Variants in TOX observed in about 807,000 individuals in gnomAD.
TOX encodes thymocyte selection-associated high mobility group box protein TOX.
TOX carries 11 observed loss-of-function variants against 53.7 expected under a neutral mutation model. That is an observed-to-expected ratio of 0.20 (90% CI 0.13 to 0.34). TOX has a LOEUF of 0.34. Among genes scored for constraint, TOX ranks in the 10% least tolerant of loss-of-function variants. The pLI, the probability that TOX is intolerant of heterozygous loss-of-function variation, is 1.00. For missense variants in TOX, 570 were observed against 664.6 expected (o/e 0.86, Z 1.56); for synonymous variants, 225 against 245.3 (o/e 0.92, Z 0.77).
chr8:59,076,165 T>C (rs1804289797), intron 1 of TOX, among the ~76,000 whole-genome samples: 1 of 152,122 alleles, frequency 6.6e-6, no homozygotes, highest in Admixed American at 6.5e-5. Flanking sequence ...CCAGTGAGGA[T>C]ACAAATGATT....
At chr8:59,086,188 TTG>T (rs1804506440) in intron 1 of TOX, among the ~76,000 whole-genome samples, 1 of 151,998 alleles carries the variant, frequency 6.6e-6, no homozygotes, top group African/African-American at 2.4e-5. Context: ...TTTCACCATA[TTG>T]TTGAGGCTGG....
intron 4 of TOX, among the ~76,000 whole-genome samples, chr8:58,843,155 C>T (rs933567232): frequency 2.0e-5 from 3 of 152,160 alleles, no homozygotes; most frequent in Non-Finnish European, 4.4e-5. Context: ...AAAACAAGAG[C>T]ATATTGATCT....
chr8:58,843,597 A>T (rs967099453), intron 4 of TOX, among the ~76,000 whole-genome samples: 22 of 152,248 alleles, frequency 1.4e-4, no homozygotes, highest in Admixed American at 1.4e-3. Context: ...AATAGAATGG[A>T]ATGGAAACTC....
chr8:59,070,506 A>AACACACACACACACACAC (rs371344375), intron 1 of TOX, among the ~76,000 whole-genome samples: 7 of 140,228 alleles, frequency 5.0e-5, no homozygotes, highest in South Asian at 2.4e-4. Context: ...TGTCAAGGAA[A>AACACACACACACACACAC]ACACACACAC....
rs182891476 is a variant in TOX, at chr8:58,818,557, C to T, written c.1006-2833G>A. Among the ~76,000 whole-genome samples, 103 of 152,236 alleles carry T rather than the reference C, an allele frequency of 6.8e-4. 1 individual carries two copies. The highest frequency in any genetic ancestry group is 2.7e-3 in the South Asian group (13 of 4,822). ...TAGGGACTTGAATTTCTGTAGCCCA[C>T]GCATCTACCATAGTGCAAAATACAT... On this transcript the variant is annotated intron_variant, in intron 6 of 8. Coordinates refer to ENST00000361421, the MANE Select transcript of TOX (RefSeq NM_014729.3).
chr8:58,980,325 C>T (rs1419532563), intron 1 of TOX, among the ~76,000 whole-genome samples: 1 of 152,178 alleles, frequency 6.6e-6, no homozygotes, highest in African/African-American at 2.4e-5. Context: ...CATCAGCTGT[C>T]TCCTGGGAGC....
chr8:59,103,569 C>T (rs921883573), intron 1 of TOX, among the ~76,000 whole-genome samples: 6 of 152,122 alleles, frequency 3.9e-5, no homozygotes, highest in African/African-American at 1.4e-4. Flanking sequence ...CCTTCTAAGA[C>T]CTATGTAGAT....
chr8:59,000,378 A>AT (rs1813668536), intron 1 of TOX, among the ~76,000 whole-genome samples: 2 of 152,194 alleles, frequency 1.3e-5, no homozygotes, highest in African/African-American at 4.8e-5. Flanking sequence ...CAGTATATAT[A>AT]AAAGAGGTGC....
intron 1 of TOX, among the ~76,000 whole-genome samples, chr8:59,070,382 CTCTA>C (rs200684206): frequency 0.019 from 2,900 of 152,208 alleles, 32 homozygotes; most frequent in Middle Eastern, 0.031. Flanking sequence ...ACATGCAAAC[CTCTA>C]TCTATGCTTC....
rs1173710545 is a variant in TOX at position 58,873,958 on chromosome 8, C to CTTTTTTTTTTTTTTTTTTTTTTTTTTTT, written c.412-22181_412-22154dup. On this transcript the variant is annotated intron_variant, in intron 3 of 8. Transcript: ENST00000361421. ...AATACACATCCTGAATGCCAGGAAGCTTTTTTTTTTTTTTTTTTTTTTTTT... is the reference window on the plus strand; with the variant it reads ...AATACACATCCTGAATGCCAGGAAGCTTTTTTTTTTTTTTTTTTTTTTTTTTTTTTTTTTTTTTTTTTTTTTTTTTTTT... Among the ~76,000 whole-genome samples, 30 of 40,136 alleles carry CTTTTTTTTTTTTTTTTTTTTTTTTTTTT rather than the reference C, an allele frequency of 7.5e-4. 4 individuals are homozygous for CTTTTTTTTTTTTTTTTTTTTTTTTTTTT. Among genetic ancestry groups the CTTTTTTTTTTTTTTTTTTTTTTTTTTTT allele is most frequent in the African/African-American group, 1.6e-3 (9 of 5,792 alleles). 26.3% of individuals were successfully genotyped at this position (40,136 alleles called of 152,430 possible). A position where few individuals can be genotyped will look rare whatever the true frequency, so the allele number is the denominator to read the frequency against.
At chr8:58,925,948 G>C (rs751440053) in intron 3 of TOX, among the ~76,000 whole-genome samples, 6 of 152,132 alleles carry the variant, frequency 3.9e-5, no homozygotes, top group Admixed American at 6.5e-5. Context: ...GTGGAGACTA[G>C]CTGTGTATGC....
At chr8:59,044,813 A>AG (rs1442150002) in intron 1 of TOX, among the ~76,000 whole-genome samples, 6 of 152,206 alleles carry the variant, frequency 3.9e-5, no homozygotes, top group Non-Finnish European at 8.8e-5. Flanking sequence ...GTCCCCTTCA[A>AG]GGGAAAAATA....
chr8:59,044,167 T>C lies in TOX; in HGVS notation c.102+74719A>G, dbSNP rs80031540. 4.7e-4 allele frequency among the ~76,000 whole-genome samples: 71 copies of C among 150,376 alleles called. 2 individuals carry two copies. The East Asian group carries it at 0.011, about 23-fold the overall frequency. On this transcript the variant is annotated intron_variant, in intron 1 of 8. Coordinates refer to ENST00000361421, the MANE Select transcript of TOX (RefSeq NM_014729.3). Reference sequence around the variant, plus strand: ...AATTGTTTCTTGTTCAGAAAAGCTATGGTGGTATCCTTAAAGGCTTCAGAA... The same window carrying C: ...AATTGTTTCTTGTTCAGAAAAGCTACGGTGGTATCCTTAAAGGCTTCAGAA...
chr8:58,888,143 G>A (rs1272595244), intron 3 of TOX, among the ~76,000 whole-genome samples: 1 of 152,018 alleles, frequency 6.6e-6, no homozygotes, highest in African/African-American at 2.4e-5. Flanking sequence ...ATAATCTTAT[G>A]GGTCCACCAT....
At chr8:58,855,703 C>T (rs1258930279) in intron 3 of TOX, among the ~76,000 whole-genome samples, 1 of 152,130 alleles carries the variant, frequency 6.6e-6, no homozygotes, top group African/African-American at 2.4e-5. Context: ...TGACATCTGT[C>T]CCCCAAATTA....
chr8:58,992,388 T>TC (rs988686335), intron 1 of TOX, among the ~76,000 whole-genome samples: 4 of 152,210 alleles, frequency 2.6e-5, no homozygotes, highest in African/African-American at 9.7e-5. Flanking sequence ...TATTTTTTTT[T>TC]CCTTATATAG....
At chr8:59,028,718 C>T (rs1365699082) in intron 1 of TOX, among the ~76,000 whole-genome samples, 1 of 152,094 alleles carries the variant, frequency 6.6e-6, no homozygotes, top group Admixed American at 6.6e-5. Flanking sequence ...TTTGAAAGAA[C>T]TTTTCTTTTT....
chr8:59,102,121 T>G (rs966512193), intron 1 of TOX, among the ~76,000 whole-genome samples: 2 of 152,180 alleles, frequency 1.3e-5, no homozygotes, highest in Non-Finnish European at 2.9e-5. Context: ...TCCATGTGGC[T>G]GGGGAGGTCT....
At chr8:59,021,481 A>ATATATATATATATATATAT (rs1554539852) in intron 1 of TOX, among the ~76,000 whole-genome samples, 4 of 64,732 alleles carry the variant, frequency 6.2e-5, no homozygotes, top group African/African-American at 2.1e-4. Context: ...AAAAAAAAAA[A>ATATATATATATATATATAT]ATATATATAT....
Sources: gnomAD v4.1 joint callset for allele counts (sites outside exome capture counted in the v4.1 genomes callset) on GRCh38, gnomAD v4.1.1 for gene constraint, MANE v1.5 for transcripts, NCBI Gene and HGNC (gene_info 2026-07-23, HGNC 2026-07-21) for gene names.